The following SPPL3 variants were observed in gnomAD, a reference collection of about 807,000 sequenced individuals.
SPPL3 encodes the protein signal peptide peptidase like 3.
Under a neutral mutation model 42.4 loss-of-function variants are expected in SPPL3, and 5 were observed. The ratio of observed to expected loss-of-function variants is 0.12; its 90% confidence interval spans 0.06 to 0.25. The LOEUF (loss-of-function observed/expected upper bound fraction) is 0.25, where lower values mean the gene tolerates loss of function less well. Ranked by LOEUF, SPPL3 falls within the 10% of genes least tolerant of loss-of-function variation. The pLI is 1.00. For synonymous variants in SPPL3, 195 were observed against 181.8 expected (o/e 1.07, Z -0.58); for missense variants, 235 against 489.0 (o/e 0.48, Z 4.90).
intron 1 of SPPL3, among the ~76,000 whole-genome samples, chr12:120,844,681 T>C (rs1321343463): frequency 6.6e-6 from 1 of 152,098 alleles, no homozygotes; most frequent in Non-Finnish European, 1.5e-5. Flanking sequence ...TATGATCTTT[T>C]TATGGCTGGC....
At chr12:120,872,593 G>A (rs899365333) in intron 1 of SPPL3, among the ~76,000 whole-genome samples, 4 of 152,144 alleles carry the variant, frequency 2.6e-5, no homozygotes, top group African/African-American at 9.7e-5. Context: ...TGCATGCAGA[G>A]GGCTCCGGAG....
chr12:120,785,719 C>T lies in SPPL3; in HGVS notation c.191-1126G>A, dbSNP rs1437920589. Among the ~76,000 whole-genome samples the T allele has an allele frequency of 7.3e-5, 11 of 151,278 alleles. No homozygotes were observed. In the East Asian group the frequency reaches 1.7e-3, roughly 24 times the overall value. ...GGTGTGGTGGCTCATGCCTGTAATC[C>T]CAGCACTTTGAAAGGCTGAGGCAGG... On this transcript the variant is annotated intron_variant, in intron 3 of 10. Transcript: ENST00000353487.
In SPPL3 at chr12:120,880,839, C is replaced by T. The variant is rs905130441; in HGVS notation, c.23+23006G>A. Among the ~76,000 whole-genome samples the T allele has an allele frequency of 6.0e-4, 90 of 150,826 alleles. 1 individual carries two copies. Among genetic ancestry groups the T allele is most frequent in the African/African-American group, 2.2e-3 (90 of 40,906 alleles). ...ATATAACTGATAAGGGATTGATATC[C>T]AGAATATACTAATAACTACAGCTCA... On this transcript the variant is annotated intron_variant, in intron 1 of 10. Transcript: ENST00000353487.
At chr12:120,895,033 C>A (rs888971936) in intron 1 of SPPL3, among the ~76,000 whole-genome samples, 1 of 152,152 alleles carries the variant, frequency 6.6e-6, no homozygotes, top group Admixed American at 6.5e-5. Context: ...CCATGCATTC[C>A]AAGGAAAAGC....
At chr12:120,806,001 C>T (rs1457937461) in intron 2 of SPPL3, among the ~76,000 whole-genome samples, 9 of 132,956 alleles carry the variant, frequency 6.8e-5, no homozygotes, top group East Asian at 2.2e-4. Flanking sequence ...TCCCTGCAGG[C>T]TTTTTTTTTT....
chr12:120,777,710 T>C (rs960392181), intron 6 of SPPL3, among the ~76,000 whole-genome samples: 18 of 152,234 alleles, frequency 1.2e-4, no homozygotes, highest in African/African-American at 4.3e-4. Context: ...AAAGCACTAA[T>C]TAATACTTGA....
At position 120,763,176 on chromosome 12, in the gene SPPL3, T is replaced by G. The variant is rs149828854; in HGVS notation, c.*1823A>C. 4.6e-5 allele frequency: 7 copies of G among 152,366 alleles called. No homozygotes were observed. The highest frequency in any genetic ancestry group is 1.4e-4 in the African/African-American group (6 of 41,566). 9.4% of individuals were successfully genotyped at this position (152,366 alleles called of 1,614,324 possible). A position where few individuals can be genotyped will look rare whatever the true frequency, so the allele number is the denominator to read the frequency against. On this transcript the variant is annotated 3_prime_UTR_variant, in exon 11 of 11. Transcript: ENST00000353487. ...TCAGTCTTCCAGAACAGGGAGGAGA[T>G]GGCTGGGAGCTCTGTTTGGTACCAA...
rs71076670 is a variant in SPPL3 at position 120,863,352 on chromosome 12, GAA to G, written c.23+40491_23+40492del. 2.1e-3 allele frequency among the ~76,000 whole-genome samples: 281 copies of G among 135,274 alleles called. 1 individual carries two copies. Among genetic ancestry groups the G allele is most frequent in the African/African-American group, 7.1e-3 (252 of 35,736 alleles). 88.7% of individuals were successfully genotyped at this position (135,274 alleles called of 152,430 possible). A position where few individuals can be genotyped will look rare whatever the true frequency, so the allele number is the denominator to read the frequency against. On this transcript the variant is annotated intron_variant, in intron 1 of 10. Coordinates refer to ENST00000353487, the MANE Select transcript of SPPL3 (RefSeq NM_139015.5). Reference sequence around the variant, plus strand: ...GACAGAGCGAGACTCCATCTCAAAAGAAAAAAAAAAAAAGTTTTAATGAAAAA... The same window carrying G: ...GACAGAGCGAGACTCCATCTCAAAAGAAAAAAAAAAAGTTTTAATGAAAAA...
chr12:120,864,352 T>C (rs929855504), intron 1 of SPPL3, among the ~76,000 whole-genome samples: 10 of 152,126 alleles, frequency 6.6e-5, no homozygotes, highest in African/African-American at 2.4e-4. Flanking sequence ...CTGGCCAACA[T>C]GGTGAAACTC....
chr12:120,881,671 CAG>C (rs1873290137), intron 1 of SPPL3, among the ~76,000 whole-genome samples: 1 of 150,662 alleles, frequency 6.6e-6, no homozygotes, highest in Non-Finnish European at 1.5e-5. Flanking sequence ...AACAAATGAA[CAG>C]ATACACAAAA....
intron 1 of SPPL3, among the ~76,000 whole-genome samples, chr12:120,857,058 C>A (rs1222222973): frequency 6.6e-6 from 1 of 152,088 alleles, no homozygotes; most frequent in Non-Finnish European, 1.5e-5. Flanking sequence ...CAGAATCCAG[C>A]AGAACAGAGA....
intron 2 of SPPL3, among the ~76,000 whole-genome samples, chr12:120,803,943 T>C (rs1030541191): frequency 2.6e-5 from 4 of 152,320 alleles, no homozygotes; most frequent in South Asian, 4.1e-4. Flanking sequence ...TGAACCATAG[T>C]GACACTTGTT....
intron 2 of SPPL3, among the ~76,000 whole-genome samples, chr12:120,803,942 G>C (rs559746945): frequency 8.5e-5 from 13 of 152,158 alleles, no homozygotes; most frequent in Admixed American, 6.6e-5. Context: ...GTGAACCATA[G>C]TGACACTTGT....
In SPPL3 at chr12:120,904,130, C is replaced by G. The variant is rs2393716; in HGVS notation, c.-263G>C. The G allele has an allele frequency of 0.45, 135,129 of 300,068 alleles. 32,664 individuals are homozygous for G. Among genetic ancestry groups the G allele is most frequent in the Middle Eastern group, 0.58 (621 of 1,068 alleles). 18.6% of individuals were successfully genotyped at this position (300,068 alleles called of 1,614,324 possible). A position where few individuals can be genotyped will look rare whatever the true frequency, so the allele number is the denominator to read the frequency against. On this transcript the variant is annotated 5_prime_UTR_variant, in exon 1 of 11. Transcript: ENST00000353487. ...CGCGGCGGCGGCGGCGGCTCCGCTGCAGCTCCAAACCCAACATGGCGGCGG... is the reference window on the plus strand; with the variant it reads ...CGCGGCGGCGGCGGCGGCTCCGCTGGAGCTCCAAACCCAACATGGCGGCGG...
intron 1 of SPPL3, chr12:120,903,403 G>C: frequency 5.9e-6 from 1 of 168,700 alleles, no homozygotes; most frequent in Non-Finnish European, 1.3e-5. Flanking sequence ...TCTATCACCT[G>C]TTCTCACTAG....
At position 120,848,881 on chromosome 12, in the gene SPPL3, T is replaced by C. The variant is rs114369267; in HGVS notation, c.24-37995A>G. Among the ~76,000 whole-genome samples the C allele has an allele frequency of 3.4e-3, 514 of 152,292 alleles. 3 individuals carry two copies. Among genetic ancestry groups the C allele is most frequent in the African/African-American group, 0.012 (497 of 41,570 alleles). ...TATCACTTTAGTGTAATAACACTAATGATCAATGAGCAAGCTACAGGTGAT... is the reference window on the plus strand; with the variant it reads ...TATCACTTTAGTGTAATAACACTAACGATCAATGAGCAAGCTACAGGTGAT... On this transcript the variant is annotated intron_variant, in intron 1 of 10. Coordinates refer to ENST00000353487, the MANE Select transcript of SPPL3 (RefSeq NM_139015.5).
intron 1 of SPPL3, among the ~76,000 whole-genome samples, chr12:120,884,110 A>G (rs1473745567): frequency 2.6e-5 from 4 of 152,082 alleles, no homozygotes; most frequent in African/African-American, 9.7e-5. Flanking sequence ...TCAAAAAAAA[A>G]AAAAAAAAAA....
At chr12:120,869,019 A>G (rs1228644799) in intron 1 of SPPL3, among the ~76,000 whole-genome samples, 1 of 152,208 alleles carries the variant, frequency 6.6e-6, no homozygotes, top group Non-Finnish European at 1.5e-5. Context: ...TAGTCTACAT[A>G]ACTTAAAAAA....
chr12:120,789,361 G>A (rs953184782), intron 3 of SPPL3, among the ~76,000 whole-genome samples: 4 of 146,276 alleles, frequency 2.7e-5, no homozygotes, highest in African/African-American at 7.6e-5. Context: ...GGCAGAGGCA[G>A]GAGAATCACT....
Sources: allele counts gnomAD v4.1 joint callset (sites outside exome capture counted in the v4.1 genomes callset), GRCh38; gene constraint gnomAD v4.1.1; transcripts MANE v1.5; gene names NCBI Gene and HGNC (gene_info 2026-07-23, HGNC 2026-07-21).